Variants in ERCC2 observed in about 807,000 individuals in gnomAD.
The protein encoded by ERCC2 is ERCC excision repair 2, TFIIH core complex helicase subunit, also known as general transcription and DNA repair factor IIH helicase subunit XPD.
A neutral mutation model predicts 99.4 loss-of-function variants in ERCC2; 90 were observed. That is an observed-to-expected ratio of 0.91 (90% CI 0.76 to 1.08). ERCC2 has a LOEUF of 1.08. ERCC2 is among the 50% of genes least tolerant of loss of function. ERCC2 has a pLI of 0.00. For synonymous variants in ERCC2, 497 were observed against 432.4 expected (o/e 1.15, Z -1.85); for missense variants, 993 against 1,038.1 (o/e 0.96, Z 0.60).
chr19:45,363,783 C>A lies in ERCC2; in HGVS notation c.1078G>T (p.Gly360Cys). 1 of 1,538,458 alleles carries A rather than the reference C, an allele frequency of 6.5e-7. No homozygotes were observed. Among genetic ancestry groups the A allele is most frequent in the Non-Finnish European group, 8.7e-7 (1 of 1,148,540 alleles). ...VQESPPAFLS[G>C]LAQRVCIQRK... is the part of the protein sequence containing the mutation. ...TGGATGCACACGCGCTGGGCCAGGC[C>A]GCTCAGGAAGGCGGGCGGGCTCTCC... is the stretch of plus-strand genomic sequence containing the variant. The change falls in exon 11 of 23, where the codon GGC becomes TGC. Residue 360 changes from glycine to cysteine, a missense_variant. Coordinates refer to ENST00000391945, the MANE Select transcript of ERCC2 (RefSeq NM_000400.4).
chr19:45,358,930 A>AAATG (rs771125005), intron 12 of ERCC2: 1 of 771,404 alleles, frequency 1.3e-6, no homozygotes, highest in East Asian at 2.4e-5. Context: ...TTGAAGAAAT[A>AAATG]AATGAATGAA....
At position 45,351,395 on chromosome 19, in the gene ERCC2, C is replaced by T; in HGVS notation, c.*234G>A. 3 of 1,605,780 alleles carry T rather than the reference C, an allele frequency of 1.9e-6. No homozygotes were observed. The highest frequency in any genetic ancestry group is 2.5e-6 in the Non-Finnish European group (3 of 1,179,730). On this transcript the variant is annotated 3_prime_UTR_variant, in exon 23 of 23. Coordinates refer to ENST00000391945, the MANE Select transcript of ERCC2 (RefSeq NM_000400.4). The stretch of plus-strand genomic sequence containing the variant: ...TGCGCTGGCCGCAGCTTCTTGGGAA[C>T]AGTGCAGGAGGGATGGGCTGGTGGG...
rs766117419 is a variant in ERCC2 at position 45,363,958 on chromosome 19, T to TG, written c.949+27dup. 363,337 of 1,531,696 alleles carry TG rather than the reference T, an allele frequency of 0.24. 55,811 individuals are homozygous for TG. The highest frequency in any genetic ancestry group is 0.76 in the African/African-American group (55,169 of 72,992). 94.9% of individuals were successfully genotyped at this position (1,531,696 alleles called of 1,614,324 possible). A position where few individuals can be genotyped will look rare whatever the true frequency, so the allele number is the denominator to read the frequency against. Reference sequence around the variant, plus strand: ...GGCGACGGGGAGGCGGGAAAGGGACTGGGGGGCAGCGGGGGGTCGGGGCTC... The same window carrying TG: ...GGCGACGGGGAGGCGGGAAAGGGACTGGGGGGGCAGCGGGGGGTCGGGGCTC... On this transcript the variant is annotated intron_variant, in intron 10 of 22. Transcript: ENST00000391945.
chr19:45,363,796 G>C lies in ERCC2; in HGVS notation c.1065C>G (p.Pro355=). ...RVQHVVQESP[P]AFLSGLAQRV... is the part of the protein sequence containing the mutation. ...GCTGGGCCAGGCCGCTCAGGAAGGCGGGCGGGCTCTCCTGCACCACATGCT... is the reference window on the plus strand; with the variant it reads ...GCTGGGCCAGGCCGCTCAGGAAGGCCGGCGGGCTCTCCTGCACCACATGCT... Residue 355 remains proline, a synonymous_variant, in exon 11 of 23, where the codon CCC becomes CCG. Transcript: ENST00000391945. 1.3e-6 allele frequency: 2 copies of C among 1,539,494 alleles called. No individual in the cohort carries two copies. The highest frequency in any genetic ancestry group is 2.4e-5 in the South Asian group (2 of 84,320).
At chr19:45,353,004 G>A (rs534618192) in intron 19 of ERCC2, 79 bp downstream of exon 19, 144 of 1,482,198 alleles carry the variant, frequency 9.7e-5, no homozygotes, top group Non-Finnish European at 1.1e-4. Flanking sequence ...GGTTCCCCGC[G>A]GGAGCAGACA....
chr19:45,350,996 T>C lies in ERCC2; in HGVS notation c.*633A>G. On this transcript the variant is annotated 3_prime_UTR_variant, in exon 23 of 23. Coordinates refer to ENST00000391945, the MANE Select transcript of ERCC2 (RefSeq NM_000400.4). ...CACTCAACACACTGAACGTGGATGC[T>C]CCAAGGGCTCCTGGGACTCAGGTGA... is the stretch of plus-strand genomic sequence containing the variant. The C allele has an allele frequency of 6.2e-7, 1 of 1,614,058 alleles. No individual in the cohort carries two copies. Among genetic ancestry groups the C allele is most frequent in the South Asian group, 1.1e-5 (1 of 91,086 alleles).
rs1047407328 is a variant in ERCC2 at position 45,350,897 on chromosome 19, C to G, written c.*732G>C. 3.2e-6 allele frequency: 5 copies of G among 1,584,832 alleles called. No homozygotes were observed. Among genetic ancestry groups the G allele is most frequent in the South Asian group, 2.2e-5 (2 of 90,348 alleles). ...CAAACCCTGTGCTGGAAAGGTCCCT[C>G]GTGGAGGGGGGCCACTCCTGGATTC... On this transcript the variant is annotated 3_prime_UTR_variant, in exon 23 of 23. Coordinates refer to ENST00000391945, the MANE Select transcript of ERCC2 (RefSeq NM_000400.4).
chr19:45,366,076 A>G (rs1436983350), intron 5 of ERCC2, among the ~76,000 whole-genome samples: 1 of 151,700 alleles, frequency 6.6e-6, no homozygotes, highest in Non-Finnish European at 1.5e-5. Context: ...GTCTCAAGCA[A>G]TCCTCCCACC....
chr19:45,351,866 G>C (rs1247049270), intron 22 of ERCC2, 145 bp from the exon 23 acceptor site: 1 of 742,726 alleles, frequency 1.3e-6, no homozygotes, highest in Non-Finnish European at 2.2e-6. Context: ...ATCCAGAGCG[G>C]GCCATCCCTG....
In ERCC2 at chr19:45,350,681, C is replaced by CT; in HGVS notation, c.*947dup. ...AGCTCACTCTCCAAGATCCGTGAGTCTATCAGGCGAGGAAGTGAGAAGCTG... is the reference window on the plus strand; with the variant it reads ...AGCTCACTCTCCAAGATCCGTGAGTCTTATCAGGCGAGGAAGTGAGAAGCTG... On this transcript the variant is annotated 3_prime_UTR_variant, in exon 23 of 23. Transcript: ENST00000391945. The CT allele has an allele frequency of 6.2e-7, 1 of 1,613,850 alleles. No homozygotes were observed. The highest frequency in any genetic ancestry group is 8.5e-7 in the Non-Finnish European group (1 of 1,179,926).
intron 1 of ERCC2, 45 bp downstream of exon 1, chr19:45,370,491 C>A: frequency 6.6e-7 from 1 of 1,522,122 alleles, no homozygotes; most frequent in Non-Finnish European, 8.8e-7. Flanking sequence ...ATCTTCAAGA[C>A]CCCCCGCGCC....
Position 45,357,539 on chromosome 19 carries a change from T to C in ERCC2, c.1312A>G (p.Met438Val). The C allele has an allele frequency of 1.2e-6, 2 of 1,614,108 alleles. No individual in the cohort carries two copies. The highest frequency in any genetic ancestry group is 8.5e-7 in the Non-Finnish European group (1 of 1,180,018). Residue 438 changes from methionine (M) to valine (V), a missense_variant, in exon 14 of 23, where the codon ATG (methionine) becomes GTG (valine). Met to Val is a conservative substitution (Grantham distance 21, BLOSUM62 1). Transcript: ENST00000391945. The stretch of plus-strand genomic sequence containing the variant: ...GGTTTGATGGCCAGCGAGGCGTCCA[T>C]GCAGCTGGAGAGAGATGAGGGCAGT... Reference protein sequence around the residue: ...IANPILHFSCMDASLAIKPVF... With the variant: ...IANPILHFSCVDASLAIKPVF...
At chr19:45,370,003 G>A in intron 2 of ERCC2, 130 bp downstream of exon 2, 2 of 797,390 alleles carry the variant, frequency 2.5e-6, no homozygotes, top group Non-Finnish European at 4.1e-6. Context: ...TTAGATAACG[G>A]AAGATTATGG....
chr19:45,366,651 A>G (rs909387733), intron 5 of ERCC2, among the ~76,000 whole-genome samples: 1 of 152,190 alleles, frequency 6.6e-6, no homozygotes, highest in Non-Finnish European at 1.5e-5. Context: ...TTTCTGAAGA[A>G]CAAATCCTTT....
At chr19:45,352,391 C>T (rs188548445) in intron 21 of ERCC2, 39 bp from the exon 22 acceptor site, 64 of 1,613,586 alleles carry the variant, frequency 4.0e-5, no homozygotes, top group East Asian at 6.7e-5. Context: ...GAAGGTCATT[C>T]GGGGAGCCTG....
chr19:45,357,785 G>A (rs1171679010), intron 12 of ERCC2, 86 bp from the exon 13 acceptor site: 37 of 1,216,016 alleles, frequency 3.0e-5, no homozygotes, highest in African/African-American at 4.5e-5. Flanking sequence ...CTGCTCCCTC[G>A]CTTCACCCCA....
chr19:45,360,630 G>C (rs899141220), intron 12 of ERCC2, among the ~76,000 whole-genome samples: 1 of 151,938 alleles, frequency 6.6e-6, no homozygotes, highest in African/African-American at 2.4e-5. Context: ...TGCCCACCTC[G>C]GCCCCCCAAA....
chr19:45,354,938 C>T (rs1213788718), intron 16 of ERCC2, 87 bp from the exon 17 acceptor site: 1 of 1,558,228 alleles, frequency 6.4e-7, no homozygotes, highest in Admixed American at 1.7e-5. Context: ...GGAAACCCCA[C>T]TGAGGCTGCC....
rs2123215559 is a variant in ERCC2, at chr19:45,351,520, GAAATGTCACCTGACTTCATA to G, written c.*89_*108del. 1.2e-6 allele frequency: 2 copies of G among 1,600,936 alleles called. No homozygotes were observed. Among genetic ancestry groups the G allele is most frequent in the East Asian group, 4.5e-5 (2 of 44,820 alleles). On this transcript the variant is annotated 3_prime_UTR_variant, in exon 23 of 23. Transcript: ENST00000391945. ...TTAAAGGCTGTGGACGTGACAGTGA[GAAATGTCACCTGACTTCATA>G]AGACCTTCTAGCACCACCGCCGCTG...
Sources: allele counts gnomAD v4.1 joint callset (sites outside exome capture counted in the v4.1 genomes callset), GRCh38; gene constraint gnomAD v4.1.1; transcripts MANE v1.5; gene names NCBI Gene and HGNC (gene_info 2026-07-23, HGNC 2026-07-21).